SNTG1: variants seen among roughly 807,000 people sequenced by gnomAD.
SNTG1 encodes the protein syntrophin gamma 1.
In SNTG1, 39 loss-of-function variants were observed where a neutral mutation model predicts 74.7. The ratio of observed to expected loss-of-function variants is 0.52; its 90% CI spans 0.40 to 0.68. The LOEUF (loss-of-function observed/expected upper bound fraction) is 0.68, where lower values mean the gene tolerates loss of function less well. Ranked by LOEUF, SNTG1 falls within the 30% of genes least tolerant of loss-of-function variation. The pLI, the probability that SNTG1 is intolerant of heterozygous loss-of-function variation, is 0.00. For synonymous variants in SNTG1, 254 were observed against 217.1 expected (o/e 1.17, Z -1.49); for missense variants, 685 against 609.5 (o/e 1.12, Z -1.30).
At chr8:50,637,632 C>T (rs1230752740) in intron 13 of SNTG1, among the ~76,000 whole-genome samples, 1 of 151,930 alleles carries the variant, frequency 6.6e-6, no homozygotes, top group Non-Finnish European at 1.5e-5. Context: ...CCTATTTTAC[C>T]TTTGATCCAA....
At chr8:50,624,402 T>C (rs2094943677) in intron 13 of SNTG1, among the ~76,000 whole-genome samples, 1 of 152,104 alleles carries the variant, frequency 6.6e-6, no homozygotes, top group East Asian at 1.9e-4. Context: ...GAGAGTTTTA[T>C]CTGCTCATAT....
chr8:49,914,238 T>G (rs572145311), intron 1 of SNTG1, among the ~76,000 whole-genome samples: 6 of 152,258 alleles, frequency 3.9e-5, no homozygotes, highest in African/African-American at 1.4e-4. Context: ...AAAATCAACA[T>G]TTTATTAAGG....
At chr8:50,327,548 T>C (rs2090798218) in intron 2 of SNTG1, among the ~76,000 whole-genome samples, 1 of 152,152 alleles carries the variant, frequency 6.6e-6, no homozygotes, top group Non-Finnish European at 1.5e-5. Context: ...TGTGTGTATC[T>C]TCATATTTAA....
At chr8:49,959,497 T>C (rs953743147) in intron 1 of SNTG1, among the ~76,000 whole-genome samples, 4 of 152,232 alleles carry the variant, frequency 2.6e-5, no homozygotes, top group African/African-American at 9.6e-5. Context: ...TTTCTGTCTG[T>C]ATAGATTTGC....
rs141881222 is a variant in SNTG1, at chr8:50,548,013, T to C, written c.681-5037T>C. 7.1e-3 allele frequency among the ~76,000 whole-genome samples: 1,077 copies of C among 152,306 alleles called. 12 individuals carry two copies. Among genetic ancestry groups the C allele is most frequent in the African/African-American group, 0.025 (1,020 of 41,566 alleles). ...TCCAGGTAAGCATCTGCATATGTAA[T>C]ACCTGCTCCTGTGAGGGTAGAAAGG... On this transcript the variant is annotated intron_variant, in intron 11 of 18. Coordinates refer to ENST00000642720, the MANE Select transcript of SNTG1 (RefSeq NM_018967.5).
intron 2 of SNTG1, among the ~76,000 whole-genome samples, chr8:50,271,749 C>T (rs2087791437): frequency 6.6e-6 from 1 of 152,134 alleles, no homozygotes; most frequent in African/African-American, 2.4e-5. Context: ...CTGGGAATCT[C>T]TGGGAATTCT....
intron 1 of SNTG1, among the ~76,000 whole-genome samples, chr8:50,104,130 G>T (rs2080267033): frequency 6.6e-6 from 1 of 152,144 alleles, no homozygotes; most frequent in Non-Finnish European, 1.5e-5. Flanking sequence ...AGTTTCAGAA[G>T]GAATGGTACC....
intron 2 of SNTG1, among the ~76,000 whole-genome samples, chr8:50,209,659 C>G (rs2084417060): frequency 6.6e-6 from 1 of 152,182 alleles, no homozygotes; most frequent in Non-Finnish European, 1.5e-5. Context: ...AGCTGAGGGT[C>G]CTGACTGTTA....
chr8:50,380,429 G>A (rs1371152667), intron 2 of SNTG1, among the ~76,000 whole-genome samples: 2 of 152,152 alleles, frequency 1.3e-5, no homozygotes, highest in East Asian at 3.9e-4. Flanking sequence ...TCATTATTTT[G>A]CCTAGAGCAA....
chr8:50,570,289 C>T (rs186212314), intron 12 of SNTG1, among the ~76,000 whole-genome samples: 8 of 20,174 alleles, frequency 4.0e-4, no homozygotes, highest in South Asian at 1.7e-3. Context: ...GATGGAGTCT[C>T]GCTCTGTCAC....
At chr8:50,416,406 G>A (rs966710162) in intron 4 of SNTG1, among the ~76,000 whole-genome samples, 2 of 152,150 alleles carry the variant, frequency 1.3e-5, no homozygotes. Flanking sequence ...TATGTCAAAT[G>A]TGTAGTACAA....
chr8:49,969,602 G>C (rs1811472087), intron 1 of SNTG1, among the ~76,000 whole-genome samples: 1 of 151,700 alleles, frequency 6.6e-6, no homozygotes, highest in South Asian at 2.1e-4. Flanking sequence ...TCACCATGTT[G>C]GTCAGGCTGG....
chr8:50,663,862 A>G (rs2095237604), intron 15 of SNTG1, among the ~76,000 whole-genome samples: 1 of 152,178 alleles, frequency 6.6e-6, no homozygotes, highest in South Asian at 2.1e-4. Flanking sequence ...GCCTCCTGGC[A>G]GCCCTATCCT....
At chr8:50,329,220 G>C (rs1326249677) in intron 2 of SNTG1, among the ~76,000 whole-genome samples, 5 of 152,126 alleles carry the variant, frequency 3.3e-5, no homozygotes, top group Non-Finnish European at 7.3e-5. Flanking sequence ...GGCTTTTCCA[G>C]GTACACAGTG....
chr8:50,434,869 C>T (rs1587617617), intron 4 of SNTG1, among the ~76,000 whole-genome samples: 1 of 152,190 alleles, frequency 6.6e-6, no homozygotes, highest in African/African-American at 2.4e-5. Context: ...TTCTGTAACA[C>T]AAAATTAATA....
At chr8:50,036,443 G>T (rs1818173646) in intron 1 of SNTG1, among the ~76,000 whole-genome samples, 1 of 152,228 alleles carries the variant, frequency 6.6e-6, no homozygotes, top group South Asian at 2.1e-4. Flanking sequence ...CTTCAGCATA[G>T]ATAGCCTTCT....
intron 8 of SNTG1, among the ~76,000 whole-genome samples, chr8:50,476,490 A>G (rs1030991687): frequency 2.6e-5 from 4 of 152,174 alleles, no homozygotes; most frequent in African/African-American, 9.7e-5. Flanking sequence ...ACTGGATGGC[A>G]GAGCTAAGTT....
chr8:50,722,920 T>A (rs576987885), intron 17 of SNTG1, among the ~76,000 whole-genome samples: 3 of 152,334 alleles, frequency 2.0e-5, no homozygotes, highest in South Asian at 4.1e-4. Context: ...TTTTAATAAA[T>A]CAATAGGTAT....
chr8:50,391,035 C>T (rs1443849861), intron 2 of SNTG1, among the ~76,000 whole-genome samples: 3 of 152,100 alleles, frequency 2.0e-5, no homozygotes, highest in Non-Finnish European at 4.4e-5. Flanking sequence ...ATTTGACTTC[C>T]TCTTTTCCAA....
Sources: gnomAD v4.1 joint callset for allele counts (sites outside exome capture counted in the v4.1 genomes callset) on GRCh38, gnomAD v4.1.1 for gene constraint, MANE v1.5 for transcripts, NCBI Gene and HGNC (gene_info 2026-07-23, HGNC 2026-07-21) for gene names.